Variants in GPR137C observed in about 807,000 individuals in gnomAD.
The protein encoded by GPR137C is G protein-coupled receptor 137C.
Under a neutral mutation model 43.4 loss-of-function variants are expected in GPR137C, and 27 were observed. That is an observed-to-expected ratio of 0.62 (90% CI 0.46 to 0.86). GPR137C has a LOEUF of 0.86. Among genes scored for constraint, GPR137C ranks in the 40% least tolerant of loss-of-function variants. The probability of loss-of-function intolerance (pLI) is 0.00; values close to 1 mark genes in which losing one functional copy is unlikely to be tolerated. For synonymous variants in GPR137C, 285 were observed against 226.9 expected (o/e 1.26, Z -2.30); for missense variants, 522 against 534.6 (o/e 0.98, Z 0.23).
intron 3 of GPR137C, among the ~76,000 whole-genome samples, chr14:52,617,590 C>A (rs34227440): frequency 0.75 from 114,147 of 152,040 alleles, 42,905 homozygotes; most frequent in South Asian, 0.87. Flanking sequence ...GAGGCAGGAG[C>A]ATTGCTTGAA....
intron 3 of GPR137C, among the ~76,000 whole-genome samples, chr14:52,609,457 G>C (rs114570236): frequency 3.2e-4 from 49 of 152,282 alleles, no homozygotes; most frequent in African/African-American, 1.2e-3. Flanking sequence ...GAATGTTCTT[G>C]ATGCTTGTGG....
intron 3 of GPR137C, among the ~76,000 whole-genome samples, chr14:52,602,446 ATTCT>A (rs1316875045): frequency 6.6e-6 from 1 of 150,866 alleles, no homozygotes; most frequent in African/African-American, 2.4e-5. Context: ...TCCTCTTTTC[ATTCT>A]TTCTTCCTTC....
intron 1 of GPR137C, among the ~76,000 whole-genome samples, chr14:52,595,523 ACT>A (rs1392046178): frequency 1.3e-5 from 2 of 150,612 alleles, no homozygotes; most frequent in African/African-American, 4.9e-5. Flanking sequence ...ATTTCTTTTT[ACT>A]CTTTTTTCTC....
Position 52,636,155 on chromosome 14 carries a change from A to G in GPR137C, c.*1040A>G, listed in dbSNP as rs913466857. Reference sequence around the variant, plus strand: ...TATGATTTTCACATTTTTATATCTTATATATGGGAAAAGCCAAATTAAATT... The same window carrying G: ...TATGATTTTCACATTTTTATATCTTGTATATGGGAAAAGCCAAATTAAATT... On this transcript the variant is annotated 3_prime_UTR_variant, in exon 7 of 7. Coordinates refer to ENST00000321662, the MANE Select transcript of GPR137C (RefSeq NM_001099652.2). 1 of 152,040 alleles carries G rather than the reference A, an allele frequency of 6.6e-6. No individual in the cohort carries two copies. The highest frequency in any genetic ancestry group is 2.4e-5 in the African/African-American group (1 of 41,418). The allele number at this position is 152,040 out of a possible 1,614,324, so 9.4% of individuals were successfully genotyped here. A position where few individuals can be genotyped will look rare whatever the true frequency, so the allele number is the denominator to read the frequency against.
At chr14:52,555,051 A>C (rs899856711) in intron 1 of GPR137C, among the ~76,000 whole-genome samples, 3 of 151,868 alleles carry the variant, frequency 2.0e-5, no homozygotes, top group African/African-American at 7.3e-5. Context: ...TAACACTTCT[A>C]CCCTTTATAC....
Position 52,553,262 on chromosome 14 carries a change from G to C in GPR137C, c.115G>C (p.Ala39Pro), listed in dbSNP as rs941371213. 2 of 1,393,054 alleles carry C rather than the reference G, an allele frequency of 1.4e-6. No homozygotes were observed. Among genetic ancestry groups the C allele is most frequent in the African/African-American group, 3.1e-5 (2 of 64,074 alleles). 86.3% of individuals were successfully genotyped at this position (1,393,054 alleles called of 1,614,324 possible). The change falls in exon 1 of 7, where the codon GCC becomes CCC. Residue 39 changes from alanine (A) to proline (P), a missense_variant. Ala to Pro is a conservative substitution (Grantham distance 27). Around this residue, in one of 3 missense-constraint regions of GPR137C, gnomAD observed 437 missense variants for 425.7 expected, o/e 1.03. Coordinates refer to ENST00000321662, the MANE Select transcript of GPR137C (RefSeq NM_001099652.2). ...AGGCGCCGTCGCTGCAGCCTCAGGC[G>C]CCGCGGTGCCGGGCTCCGTGCAGTT... ...GGGAVAAASG[A>P]AVPGSVQLAL...
At chr14:52,624,157 G>T (rs754810255) in intron 3 of GPR137C, among the ~76,000 whole-genome samples, 68 of 149,304 alleles carry the variant, frequency 4.6e-4, no homozygotes, top group Non-Finnish European at 8.0e-4. Context: ...AATCTTCATG[G>T]TATACGTATT....
At chr14:52,619,908 G>T (rs1369226553) in intron 3 of GPR137C, among the ~76,000 whole-genome samples, 1 of 151,900 alleles carries the variant, frequency 6.6e-6, no homozygotes, top group Non-Finnish European at 1.5e-5. Flanking sequence ...ATTTCAAAAT[G>T]GAAATAGTAT....
intron 1 of GPR137C, among the ~76,000 whole-genome samples, chr14:52,586,892 C>G (rs1002207974): frequency 6.6e-6 from 1 of 152,196 alleles, no homozygotes; most frequent in African/African-American, 2.4e-5. Context: ...TTAGTCAGCT[C>G]AAGTTCAACA....
At chr14:52,582,698 G>A (rs975825191) in intron 1 of GPR137C, among the ~76,000 whole-genome samples, 4 of 152,148 alleles carry the variant, frequency 2.6e-5, no homozygotes, top group Non-Finnish European at 5.9e-5. Flanking sequence ...GGAGGCTGAG[G>A]CAGGAGAATG....
At chr14:52,557,251 T>C (rs1256133299) in intron 1 of GPR137C, among the ~76,000 whole-genome samples, 1 of 152,206 alleles carries the variant, frequency 6.6e-6, no homozygotes, top group African/African-American at 2.4e-5. Flanking sequence ...AAGGTCAAAA[T>C]TTAGAAAATA....
At position 52,553,375 on chromosome 14, in the gene GPR137C, G is replaced by A. The variant is rs762449824; in HGVS notation, c.228G>A (p.Glu76=). Residue 76 remains glutamate, a synonymous_variant, in exon 1 of 7, where the codon GAG becomes GAA. Transcript: ENST00000321662. ...TGTGGCGGCTGCTCCTGTACCGCGA[G>A]CGGCGGCTGAGTTACCAGAGCCTCT... ...LQLWRLLLYR[E]RRLSYQSLCL... The A allele has an allele frequency of 6.2e-7, 1 of 1,604,214 alleles. No homozygotes were observed. The highest frequency in any genetic ancestry group is 8.5e-7 in the Non-Finnish European group (1 of 1,179,122).
At chr14:52,577,051 G>A (rs931338516) in intron 1 of GPR137C, among the ~76,000 whole-genome samples, 11 of 108,596 alleles carry the variant, frequency 1.0e-4, no homozygotes, top group Non-Finnish European at 1.8e-4. Context: ...CTAGCCAGGC[G>A]TGGTGCTGTA....
At chr14:52,587,329 A>T (rs2038726207) in intron 1 of GPR137C, among the ~76,000 whole-genome samples, 1 of 152,218 alleles carries the variant, frequency 6.6e-6, no homozygotes, top group African/African-American at 2.4e-5. Flanking sequence ...TTAACCTAAC[A>T]ATATAAAGAA....
intron 3 of GPR137C, among the ~76,000 whole-genome samples, chr14:52,603,803 T>C (rs951551596): frequency 5.3e-5 from 8 of 152,146 alleles, no homozygotes; most frequent in African/African-American, 1.9e-4. Flanking sequence ...CCTCCCAAAG[T>C]GCTGGGATTA....
intron 1 of GPR137C, among the ~76,000 whole-genome samples, chr14:52,587,184 A>T (rs2038724244): frequency 6.6e-6 from 1 of 152,184 alleles, no homozygotes; most frequent in Non-Finnish European, 1.5e-5. Flanking sequence ...TGAACTAGGC[A>T]TTATGGTAGG....
chr14:52,569,716 A>G (rs905285032), intron 1 of GPR137C, among the ~76,000 whole-genome samples: 1 of 151,946 alleles, frequency 6.6e-6, no homozygotes, highest in African/African-American at 2.4e-5. Flanking sequence ...ACTTAATGAA[A>G]TAAAGCGTGA....
chr14:52,613,389 TAC>T (rs1352334678), intron 3 of GPR137C: 1 of 152,282 alleles, frequency 6.6e-6, no homozygotes, highest in Non-Finnish European at 1.5e-5. Context: ...TATTTTAGAA[TAC>T]ACAATTAAAT....
rs1364572216 is a variant in GPR137C, at chr14:52,553,397, C to T, written c.250C>T (p.Leu84Phe). ...YRERRLSYQS[L>F]CLFLCLLWAA... ...CGAGCGGCGGCTGAGTTACCAGAGC[C>T]TCTGCCTCTTCCTCTGTCTCCTGTG... is the stretch of plus-strand genomic sequence containing the variant. The change falls in exon 1 of 7, where the codon CTC becomes TTC. Residue 84 changes from leucine (L) to phenylalanine (F), a missense_variant. Coordinates refer to ENST00000321662, the MANE Select transcript of GPR137C (RefSeq NM_001099652.2). 1.9e-6 allele frequency: 3 copies of T among 1,607,872 alleles called. No individual in the cohort carries two copies. The highest frequency in any genetic ancestry group is 1.7e-5 in the Admixed American group (1 of 60,008).
Sources: gnomAD v4.1 joint callset for allele counts (sites outside exome capture counted in the v4.1 genomes callset) on GRCh38, gnomAD v4.1.1 for gene constraint, gnomAD v4.1.1 regional missense constraint, MANE v1.5 for transcripts, NCBI Gene and HGNC (gene_info 2026-07-23, HGNC 2026-07-21) for gene names.